NALF1: variants seen among roughly 807,000 people sequenced by gnomAD.
The protein encoded by NALF1 is NALCN channel auxiliary factor 1.
In NALF1, 3 loss-of-function variants were observed where a neutral mutation model predicts 48.4. The observed-to-expected ratio is 0.06, with a 90% CI of 0.03 to 0.16. The LOEUF (loss-of-function observed/expected upper bound fraction) is 0.16, where lower values mean the gene tolerates loss of function less well. Ranked by LOEUF, NALF1 falls within the 10% of genes least tolerant of loss-of-function variation. The pLI is 1.00. For missense variants in NALF1, 526 were observed against 571.5 expected, an observed-to-expected ratio of 0.92 and a Z score of 0.81; for synonymous variants, 262 against 245.7, an observed-to-expected ratio of 1.07 and a Z score of -0.62.
rs202069637 is a variant in NALF1, at chr13:107,249,640, A to T, written c.916-38885T>A. On this transcript the variant is annotated intron_variant, in intron 1 of 2. Coordinates refer to ENST00000375915, the MANE Select transcript of NALF1 (RefSeq NM_001080396.3). ...GAGAGATGGCCAAAACTATTTCACT[A>T]TGTCATTTTCACTATGACATAGATA... Among the ~76,000 whole-genome samples the T allele has an allele frequency of 9.4e-5, 11 of 116,928 alleles. No individual in the cohort carries two copies. The East Asian group carries it at 5.4e-3, about 57-fold the overall frequency. 76.7% of individuals were successfully genotyped at this position (116,928 alleles called of 152,430 possible). A position where few individuals can be genotyped will look rare whatever the true frequency, so the allele number is the denominator to read the frequency against.
At chr13:107,363,026 C>G (rs1020853559) in intron 1 of NALF1, among the ~76,000 whole-genome samples, 1 of 152,096 alleles carries the variant, frequency 6.6e-6, no homozygotes. Context: ...CAGGAAACAA[C>G]AGAACACATA....
chr13:107,516,764 T>A (rs1053230565), intron 1 of NALF1, among the ~76,000 whole-genome samples: 1 of 152,196 alleles, frequency 6.6e-6, no homozygotes, highest in African/African-American at 2.4e-5. Flanking sequence ...CCGCCCACCA[T>A]GAATTCTGAA....
rs1182745640 is a variant in NALF1 at position 107,164,123 on chromosome 13, G to A, written c.*6374C>T. ...GCTGCGGTGAGCTGGGAGTTTTAGG[G>A]GAAATAGTCACTGAAGAAAGTCTGT... On this transcript the variant is annotated 3_prime_UTR_variant, in exon 3 of 3. Coordinates refer to ENST00000375915, the MANE Select transcript of NALF1 (RefSeq NM_001080396.3). The A allele has an allele frequency of 2.0e-5, 3 of 152,078 alleles. No homozygotes were observed. The highest frequency in any genetic ancestry group is 4.4e-5 in the Non-Finnish European group (3 of 68,026). The allele number at this position is 152,078 out of a possible 1,614,324, so 9.4% of individuals were successfully genotyped here.
At chr13:107,306,794 T>C (rs866330410) in intron 1 of NALF1, among the ~76,000 whole-genome samples, 8 of 152,180 alleles carry the variant, frequency 5.3e-5, no homozygotes, top group Middle Eastern at 3.4e-3. Context: ...TGTGACCCTG[T>C]CTCTACAAAA....
rs374896504 is a variant in NALF1, at chr13:107,685,869, T to A, written c.915+179813A>T. On this transcript the variant is annotated intron_variant, in intron 1 of 2. Transcript: ENST00000375915. ...TTGAGCAGGGAGTCTCTACGGACTC[T>A]GTTCTGAGTCCTCGGTGTTCCGTGG... is the stretch of plus-strand genomic sequence containing the variant. 6.2e-4 allele frequency among the ~76,000 whole-genome samples: 94 copies of A among 152,380 alleles called. 1 individual carries two copies. The South Asian group carries it at 0.018, about 30-fold the overall frequency.
chr13:107,834,461 T>G (rs1454226395), intron 1 of NALF1, among the ~76,000 whole-genome samples: 1 of 152,232 alleles, frequency 6.6e-6, no homozygotes. Flanking sequence ...GAATCATGCC[T>G]TTATTTATCA....
chr13:107,368,618 G>A (rs1205381668), intron 1 of NALF1, among the ~76,000 whole-genome samples: 2 of 152,140 alleles, frequency 1.3e-5, no homozygotes, highest in East Asian at 3.9e-4. Flanking sequence ...TGTAATCTCT[G>A]CCTGTCTTCA....
intron 1 of NALF1, among the ~76,000 whole-genome samples, chr13:107,480,264 T>C (rs2139060252): frequency 6.6e-6 from 1 of 152,276 alleles, no homozygotes; most frequent in South Asian, 2.1e-4. Flanking sequence ...AGCTGAATTG[T>C]GAAACTTGGC....
intron 1 of NALF1, among the ~76,000 whole-genome samples, chr13:107,470,992 A>G (rs957010536): frequency 2.0e-5 from 3 of 152,234 alleles, no homozygotes; most frequent in Non-Finnish European, 4.4e-5. Context: ...TTGAGCAAGA[A>G]AAATCATTCC....
intron 1 of NALF1, among the ~76,000 whole-genome samples, chr13:107,814,802 A>G (rs530536666): frequency 1.1e-4 from 16 of 152,304 alleles, no homozygotes; most frequent in Admixed American, 7.8e-4. Context: ...GAAATGGGGG[A>G]CCTGAACAAA....
At chr13:107,800,560 A>G (rs1594276271) in intron 1 of NALF1, among the ~76,000 whole-genome samples, 1 of 148,294 alleles carries the variant, frequency 6.7e-6, no homozygotes, top group East Asian at 2.0e-4. Context: ...TAATAAGTAT[A>G]GTTTACTGTA....
At chr13:107,783,180 G>A (rs560053160) in intron 1 of NALF1, among the ~76,000 whole-genome samples, 135 of 130,998 alleles carry the variant, frequency 1.0e-3, no homozygotes, top group African/African-American at 3.5e-3. Flanking sequence ...CGCCCCGTCC[G>A]GGAGGGAGGT....
At chr13:107,617,176 T>C in intron 1 of NALF1, among the ~76,000 whole-genome samples, 1 of 152,178 alleles carries the variant, frequency 6.6e-6, no homozygotes, top group Non-Finnish European at 1.5e-5. Context: ...CATATTCATA[T>C]CCTTCAGAAC....
intron 1 of NALF1, among the ~76,000 whole-genome samples, chr13:107,360,092 T>C (rs1199064646): frequency 6.6e-6 from 1 of 152,172 alleles, no homozygotes; most frequent in Non-Finnish European, 1.5e-5. Context: ...TATATGCCAA[T>C]AGAAATAATT....
intron 1 of NALF1, among the ~76,000 whole-genome samples, chr13:107,643,558 C>T (rs1594179622): frequency 2.8e-5 from 4 of 140,494 alleles, no homozygotes; most frequent in African/African-American, 8.0e-5. Flanking sequence ...GGGGGTGAAA[C>T]GAAATGACAA....
intron 1 of NALF1, among the ~76,000 whole-genome samples, chr13:107,832,209 C>T (rs1411385295): frequency 6.6e-6 from 1 of 151,720 alleles, no homozygotes; most frequent in East Asian, 1.9e-4. Flanking sequence ...ATTATTCTAC[C>T]TTCAAGCTGA....
intron 1 of NALF1, among the ~76,000 whole-genome samples, chr13:107,374,986 A>C (rs9520419): frequency 0.034 from 5,229 of 152,280 alleles, 80 homozygotes; most frequent in African/African-American, 0.041. Context: ...AGACTAAGAG[A>C]GTATCCTCCA....
chr13:107,633,776 T>A (rs1470141261), intron 1 of NALF1, among the ~76,000 whole-genome samples: 1 of 147,842 alleles, frequency 6.8e-6, no homozygotes, highest in Non-Finnish European at 1.5e-5. Context: ...TATATTTATA[T>A]ATGGATATAT....
At chr13:107,663,921 C>A (rs1880792062) in intron 1 of NALF1, among the ~76,000 whole-genome samples, 1 of 152,130 alleles carries the variant, frequency 6.6e-6, no homozygotes, top group African/African-American at 2.4e-5. Flanking sequence ...AACCTCTTCT[C>A]TCTCTTCACT....
Sources: allele counts gnomAD v4.1 joint callset (sites outside exome capture counted in the v4.1 genomes callset), GRCh38; gene constraint gnomAD v4.1.1; transcripts MANE v1.5; gene names NCBI Gene and HGNC (gene_info 2026-07-23, HGNC 2026-07-21).